The following RGS18 variants were observed in gnomAD, a reference collection of about 807,000 sequenced individuals.
RGS18 encodes the protein regulator of G protein signaling 18.
In RGS18, 22 loss-of-function variants were observed where a neutral mutation model predicts 27.6. The ratio of observed to expected loss-of-function variants is 0.80; its 90% CI spans 0.57 to 1.14. The LOEUF (loss-of-function observed/expected upper bound fraction) is 1.14. Among genes scored for constraint, RGS18 ranks in the 50% most tolerant of loss-of-function variants. The probability of loss-of-function intolerance (pLI) is 0.00; values close to 1 mark genes in which losing one functional copy is unlikely to be tolerated. For missense variants in RGS18, 299 were observed against 269.6 expected (o/e 1.11, Z -0.76); for synonymous variants, 89 against 84.6 (o/e 1.05, Z -0.29).
chr1:192,159,612 T>C (rs1656035398), intron 2 of RGS18, among the ~76,000 whole-genome samples: 1 of 152,162 alleles, frequency 6.6e-6, no homozygotes, highest in African/African-American at 2.4e-5. Flanking sequence ...TGCTCATTAA[T>C]TTAAGAGTTT....
rs770134901 is a variant in RGS18 at position 192,159,254 on chromosome 1, G to T, written c.154G>T (p.Val52Leu). Residue 52 changes from valine (V) to leucine (L), a missense_variant, in exon 2 of 5, where the codon GTG becomes TTG. Transcript: ENST00000367460. The stretch of plus-strand genomic sequence containing the variant: ...AAAAAGAAATAGACTAAGTCTTCTT[G>T]TGCAGAAACCTGAGTTTCATGAAGA... The part of the protein sequence containing the change: ...KEKRNRLSLL[V>L]QKPEFHEDTR... 1 of 1,613,602 alleles carries T rather than the reference G, an allele frequency of 6.2e-7. No individual in the cohort carries two copies. The highest frequency in any genetic ancestry group is 8.5e-7 in the Non-Finnish European group (1 of 1,179,690).
At chr1:192,161,904 G>T (rs1656079267) in intron 3 of RGS18, among the ~76,000 whole-genome samples, 2 of 152,064 alleles carry the variant, frequency 1.3e-5, no homozygotes, top group South Asian at 4.2e-4. Context: ...TCTTTATAAG[G>T]TCTTGGTGAC....
At chr1:192,163,917 C>G (rs796865310) in intron 3 of RGS18, among the ~76,000 whole-genome samples, 22 of 150,832 alleles carry the variant, frequency 1.5e-4, no homozygotes, top group African/African-American at 4.6e-4. Context: ...CACACACACA[C>G]ACTTCAAGAA....
rs145268253 is a variant in RGS18, at chr1:192,182,546, C to T, written c.450+1088C>T. Among the ~76,000 whole-genome samples the T allele has an allele frequency of 1.8e-3, 271 of 151,510 alleles. 3 individuals are homozygous for T. Among genetic ancestry groups the T allele is most frequent in the African/African-American group, 5.9e-3 (246 of 41,434 alleles). ...AATCTGTCTTTATCAAATTTGTACC[C>T]TCATACATTCTACCAGAATGTTCAT... On this transcript the variant is annotated intron_variant, in intron 4 of 4. Coordinates refer to ENST00000367460, the MANE Select transcript of RGS18 (RefSeq NM_130782.3).
chr1:192,161,148 C>T (rs1656065150), intron 3 of RGS18, among the ~76,000 whole-genome samples: 1 of 152,210 alleles, frequency 6.6e-6, no homozygotes, highest in South Asian at 2.1e-4. Flanking sequence ...CTGCGCCCCG[C>T]TCCATAAACA....
chr1:192,172,017 T>G (rs1358626732), intron 3 of RGS18, among the ~76,000 whole-genome samples: 1 of 152,060 alleles, frequency 6.6e-6, no homozygotes, highest in Non-Finnish European at 1.5e-5. Flanking sequence ...AGAATCACGT[T>G]TCTGCTCATT....
At position 192,185,474 on chromosome 1, in the gene RGS18, T is replaced by C. The variant is rs569462015; in HGVS notation, c.*920T>C. The C allele has an allele frequency of 6.6e-6, 1 of 151,480 alleles. No individual in the cohort carries two copies. The highest frequency in any genetic ancestry group is 2.1e-4 in the South Asian group (1 of 4,806). The allele number at this position is 151,480 out of a possible 1,614,324, so 9.4% of individuals were successfully genotyped here. On this transcript the variant is annotated 3_prime_UTR_variant, in exon 5 of 5. Transcript: ENST00000367460. ...TGAGATGAGGGGAAGAAGCAAGGAGTCTAAGGCCCTAGCGATTTGGGCATC... is the reference window on the plus strand; with the variant it reads ...TGAGATGAGGGGAAGAAGCAAGGAGCCTAAGGCCCTAGCGATTTGGGCATC...
chr1:192,174,555 G>C (rs1392368908), intron 3 of RGS18, among the ~76,000 whole-genome samples: 1 of 151,754 alleles, frequency 6.6e-6, no homozygotes, highest in Non-Finnish European at 1.5e-5. Context: ...TTCTACTTCT[G>C]TTCTATGAGT....
chr1:192,168,779 T>C (rs974302727), intron 3 of RGS18: 2 of 152,204 alleles, frequency 1.3e-5, no homozygotes, highest in African/African-American at 4.8e-5. Flanking sequence ...TACGGCAGTT[T>C]AGTTGTAAAG....
intron 3 of RGS18, among the ~76,000 whole-genome samples, chr1:192,174,735 T>A (rs1473459837): frequency 6.6e-6 from 1 of 151,900 alleles, no homozygotes; most frequent in Non-Finnish European, 1.5e-5. Flanking sequence ...ATGCTTAACC[T>A]CTGCACTGTG....
intron 3 of RGS18, 174 bp downstream of exon 3, chr1:192,160,613 T>C: frequency 2.0e-6 from 1 of 507,912 alleles, no homozygotes; most frequent in Non-Finnish European, 3.5e-6. Flanking sequence ...ATGGAAATTT[T>C]TTTAAAAGTT....
chr1:192,182,009 T>C (rs940274243), intron 4 of RGS18, among the ~76,000 whole-genome samples: 1 of 151,648 alleles, frequency 6.6e-6, no homozygotes, highest in Admixed American at 6.6e-5. Context: ...TCATTCACAT[T>C]GCCACAGATG....
At chr1:192,168,360 T>A (rs894103856) in intron 3 of RGS18, 6 of 152,226 alleles carry the variant, frequency 3.9e-5, no homozygotes, top group African/African-American at 1.4e-4. Context: ...TTTACTATTA[T>A]ATTCATATTA....
intron 4 of RGS18, among the ~76,000 whole-genome samples, chr1:192,182,804 A>G (rs1656478927): frequency 6.6e-6 from 1 of 151,592 alleles, no homozygotes; most frequent in African/African-American, 2.4e-5. Context: ...TTTATAAGTG[A>G]TGAAGTCAAG....
chr1:192,185,274 A>G lies in RGS18; in HGVS notation c.*720A>G, dbSNP rs1656528622. 6.6e-6 allele frequency: 1 copy of G among 151,540 alleles called. No homozygotes were observed. The highest frequency in any genetic ancestry group is 2.4e-5 in the African/African-American group (1 of 41,258). The allele number at this position is 151,540 out of a possible 1,614,324, so 9.4% of individuals were successfully genotyped here. A position where few individuals can be genotyped will look rare whatever the true frequency, so the allele number is the denominator to read the frequency against. On this transcript the variant is annotated 3_prime_UTR_variant, in exon 5 of 5. Coordinates refer to ENST00000367460, the MANE Select transcript of RGS18 (RefSeq NM_130782.3). ...CAAAGTACTTCTGTTGGTCACAGAA[A>G]CATGACCAGATTTTGCATATCTCCA... is the stretch of plus-strand genomic sequence containing the variant.
At chr1:192,175,722 G>A (rs1221463152) in intron 3 of RGS18, among the ~76,000 whole-genome samples, 3 of 151,828 alleles carry the variant, frequency 2.0e-5, no homozygotes, top group African/African-American at 7.3e-5. Context: ...CTCAGTCAAG[G>A]CTCTGCAGGA....
chr1:192,184,186 G>T (rs1044678474), intron 4 of RGS18, 111 bp from the exon 5 acceptor site: 1 of 936,934 alleles, frequency 1.1e-6, no homozygotes. Flanking sequence ...AACTATATCT[G>T]CTTCTAAGCC....
intron 3 of RGS18, among the ~76,000 whole-genome samples, chr1:192,167,455 T>C (rs945216874): frequency 3.3e-5 from 5 of 151,904 alleles, no homozygotes; most frequent in Non-Finnish European, 7.4e-5. Flanking sequence ...AATCTCACCC[T>C]GTCACCCAGG....
At chr1:192,164,242 G>T (rs746024350) in intron 3 of RGS18, among the ~76,000 whole-genome samples, 8 of 152,074 alleles carry the variant, frequency 5.3e-5, no homozygotes, top group Non-Finnish European at 8.8e-5. Context: ...GACAGAAGGA[G>T]ACCATCCAAG....
Sources: gnomAD v4.1 joint callset for allele counts (sites outside exome capture counted in the v4.1 genomes callset) on GRCh38, gnomAD v4.1.1 for gene constraint, MANE v1.5 for transcripts, NCBI Gene and HGNC (gene_info 2026-07-23, HGNC 2026-07-21) for gene names.